The following SEZ6L variants were observed in gnomAD, a reference collection of about 807,000 sequenced individuals.
The protein encoded by SEZ6L is seizure 6-like protein.
SEZ6L carries 37 observed loss-of-function variants against 106.2 expected under a neutral mutation model. The observed-to-expected ratio is 0.35, with a 90% CI of 0.27 to 0.46. The LOEUF (loss-of-function observed/expected upper bound fraction) is 0.46, where lower values mean the gene tolerates loss of function less well. Among genes scored for constraint, SEZ6L ranks in the 20% least tolerant of loss-of-function variants. SEZ6L has a pLI of 1.00. For synonymous variants in SEZ6L, 541 were observed against 570.4 expected (o/e 0.95, Z 0.73); for missense variants, 1,172 against 1,332.8 (o/e 0.88, Z 1.88).
At chr22:26,351,548 G>GGTTGGTTGGTTGGTTTGTTT (rs2083284456) in intron 12 of SEZ6L, 2 of 224,352 alleles carry the variant, frequency 8.9e-6, no homozygotes, top group African/African-American at 2.4e-5. Flanking sequence ...TTTGTTTGTT[G>GGTTGGTTGGTTGGTTTGTTT]GTTGGTTGGT....
chr22:26,262,453 C>T (rs949723536), intron 1 of SEZ6L, among the ~76,000 whole-genome samples: 1 of 152,118 alleles, frequency 6.6e-6, no homozygotes, highest in African/African-American at 2.4e-5. Context: ...AACATACAAA[C>T]TCATTCATTT....
Position 26,377,582 on chromosome 22 carries a change from C to T in SEZ6L, c.2943-91C>T, listed in dbSNP as rs1435661467. The T allele has an allele frequency of 1.2e-5, 12 of 1,033,876 alleles. No homozygotes were observed. In the South Asian group the frequency reaches 1.6e-4, roughly 14 times the overall value. The allele number at this position is 1,033,876 out of a possible 1,614,324, so 64.0% of individuals were successfully genotyped here. A position where few individuals can be genotyped will look rare whatever the true frequency, so the allele number is the denominator to read the frequency against. ...GTCGTCATTCACAGAGGTGCCGCTG[C>T]TCAGGAAGTGGCACCAACTGTTCCC... On this transcript the variant is annotated intron_variant, in intron 15 of 16. Transcript: ENST00000248933.
intron 1 of SEZ6L, among the ~76,000 whole-genome samples, chr22:26,185,347 C>A (rs9624992): frequency 6.6e-6 from 1 of 152,182 alleles, no homozygotes; most frequent in Non-Finnish European, 1.5e-5. Flanking sequence ...AGTCAGAGAC[C>A]TGAGTTCTGG....
chr22:26,316,510 A>T (rs2082000905), intron 9 of SEZ6L, among the ~76,000 whole-genome samples: 1 of 151,166 alleles, frequency 6.6e-6, no homozygotes, highest in Non-Finnish European at 1.5e-5. Context: ...AGCATGAAAG[A>T]GAAGGTAGGC....
intron 1 of SEZ6L, among the ~76,000 whole-genome samples, chr22:26,289,845 C>T (rs937927039): frequency 3.3e-5 from 5 of 152,194 alleles, no homozygotes; most frequent in African/African-American, 1.2e-4. Context: ...TGCAGAAAAT[C>T]GACAAGGACA....
intron 1 of SEZ6L, among the ~76,000 whole-genome samples, chr22:26,286,588 T>C (rs999305204): frequency 1.3e-5 from 2 of 152,178 alleles, no homozygotes; most frequent in African/African-American, 2.4e-5. Context: ...CACTGAACAT[T>C]ATAGCAGTAG....
rs570352325 is a variant in SEZ6L at position 26,370,397 on chromosome 22, GA to G, written c.2795-3046del. Among the ~76,000 whole-genome samples the G allele has an allele frequency of 8.2e-3, 1,235 of 151,496 alleles. 21 individuals are homozygous for G. The highest frequency in any genetic ancestry group is 0.048 in the South Asian group (229 of 4,780). On this transcript the variant is annotated intron_variant, in intron 13 of 16. Transcript: ENST00000248933. ...GACACTCCATCTCAAAAAAAAGAAA[GA>G]AAAAAAACCCTAAATAAGAAAACCA...
At chr22:26,264,949 C>A (rs2080128396) in intron 1 of SEZ6L, among the ~76,000 whole-genome samples, 1 of 152,158 alleles carries the variant, frequency 6.6e-6, no homozygotes, top group African/African-American at 2.4e-5. Flanking sequence ...AGAAAAGCAA[C>A]TTAGAGACAA....
At chr22:26,377,613 A>G in intron 15 of SEZ6L, 60 bp from the exon 16 acceptor site, 1 of 1,375,160 alleles carries the variant, frequency 7.3e-7, no homozygotes, top group East Asian at 2.3e-5. Context: ...TTCCCGTTCA[A>G]TATTGTAATG....
intron 1 of SEZ6L, among the ~76,000 whole-genome samples, chr22:26,211,832 TA>T (rs1266135090): frequency 7.1e-6 from 1 of 139,954 alleles, no homozygotes; most frequent in Non-Finnish European, 1.6e-5. Context: ...AAAAAAAATT[TA>T]AATTAAATAA....
At chr22:26,194,252 C>T (rs1451408354) in intron 1 of SEZ6L, among the ~76,000 whole-genome samples, 1 of 152,118 alleles carries the variant, frequency 6.6e-6, no homozygotes, top group Non-Finnish European at 1.5e-5. Context: ...TTTTTGAAGC[C>T]CTTGGTGCCA....
At chr22:26,232,365 C>A (rs966038678) in intron 1 of SEZ6L, among the ~76,000 whole-genome samples, 2 of 150,074 alleles carry the variant, frequency 1.3e-5, no homozygotes, top group South Asian at 4.3e-4. Flanking sequence ...CACACACACA[C>A]ACACACACAC....
Position 26,348,703 on chromosome 22 carries a change from A to AAAGAAAGGAAGGAAGAAAGGAAGGAAGG in SEZ6L, c.2407+791_2407+792insAGAAAGGAAGGAAGAAAGGAAGGAAGGA, listed in dbSNP as rs1207033331. Among the ~76,000 whole-genome samples, 94 of 41,470 alleles carry AAAGAAAGGAAGGAAGAAAGGAAGGAAGG rather than the reference A, an allele frequency of 2.3e-3. 6 individuals are homozygous for AAAGAAAGGAAGGAAGAAAGGAAGGAAGG. Among genetic ancestry groups the AAAGAAAGGAAGGAAGAAAGGAAGGAAGG allele is most frequent in the East Asian group, 5.7e-3 (6 of 1,052 alleles). The allele number at this position is 41,470 out of a possible 152,430, so 27.2% of individuals were successfully genotyped here. On this transcript the variant is annotated intron_variant, in intron 11 of 16. Transcript: ENST00000248933. ...GAAAGAAAGAAAGAAAGAAAGAAAG[A>AAAGAAAGGAAGGAAGAAAGGAAGGAAGG]AGGCAAGGGAGGGAAGGGAGGGAAG...
intron 3 of SEZ6L, among the ~76,000 whole-genome samples, chr22:26,294,933 CTCTTTCTTTCTT>C (rs35822818): frequency 9.5e-5 from 7 of 73,784 alleles, no homozygotes; most frequent in South Asian, 5.6e-4. Context: ...CTTTCTCTTT[CTCTTTCTTTCTT>C]TCTTTCTTTC....
intron 13 of SEZ6L, among the ~76,000 whole-genome samples, chr22:26,366,548 T>C (rs1272682658): frequency 2.0e-5 from 3 of 150,720 alleles, no homozygotes; most frequent in Admixed American, 6.6e-5. Flanking sequence ...ATAATGATAA[T>C]AATACAAAAA....
At chr22:26,209,777 G>A (rs1020670867) in intron 1 of SEZ6L, among the ~76,000 whole-genome samples, 2 of 145,312 alleles carry the variant, frequency 1.4e-5, no homozygotes, top group African/African-American at 5.1e-5. Context: ...GGGAGGGAGG[G>A]AAGAAGGAGG....
intron 1 of SEZ6L, among the ~76,000 whole-genome samples, chr22:26,262,457 T>TTCATTTATTC (rs1346324480): frequency 1.3e-5 from 2 of 152,144 alleles, no homozygotes; most frequent in Non-Finnish European, 2.9e-5. Flanking sequence ...TACAAACTCA[T>TTCATTTATTC]TCATTTATTC....
intron 9 of SEZ6L, among the ~76,000 whole-genome samples, chr22:26,317,231 C>G (rs1348302268): frequency 6.6e-6 from 1 of 152,064 alleles, no homozygotes; most frequent in Non-Finnish European, 1.5e-5. Flanking sequence ...CTGTGTCGCC[C>G]CCTTGTCCTT....
At position 26,310,726 on chromosome 22, in the gene SEZ6L, A is replaced by G; in HGVS notation, c.1571A>G (p.Gln524Arg). 1 of 1,614,118 alleles carries G rather than the reference A, an allele frequency of 6.2e-7. No homozygotes were observed. Among genetic ancestry groups the G allele is most frequent in the Non-Finnish European group, 8.5e-7 (1 of 1,180,014 alleles). Reference sequence around the variant, plus strand: ...TCAGCTCTTCTCTACGACTCCCTTCAAACCGAGAGTGTCCCTTTTGAGGGC... The same window carrying G: ...TCAGCTCTTCTCTACGACTCCCTTCGAACCGAGAGTGTCCCTTTTGAGGGC... ...NKSALLYDSLQTESVPFEGLL... is the reference protein window; with the variant it reads ...NKSALLYDSLRTESVPFEGLL... The change falls in exon 7 of 17, where the codon CAA becomes CGA. Residue 524 changes from glutamine to arginine, a missense_variant. This residue lies in a region of SEZ6L where 534 missense variants were observed against 691.0 expected (regional missense o/e 0.77). Transcript: ENST00000248933.
Sources: allele counts gnomAD v4.1 joint callset (sites outside exome capture counted in the v4.1 genomes callset), GRCh38; gene constraint gnomAD v4.1.1; regional missense constraint gnomAD v4.1.1; transcripts MANE v1.5; gene names NCBI Gene and HGNC (gene_info 2026-07-23, HGNC 2026-07-21).